LCMT1: variants seen among roughly 807,000 people sequenced by gnomAD.
The protein encoded by LCMT1 is [Phosphatase 2A protein]-leucine-carboxy methyltransferase 1.
A neutral mutation model predicts 47.7 loss-of-function variants in LCMT1; 32 were observed. The ratio of observed to expected loss-of-function variants is 0.67; its 90% CI spans 0.51 to 0.90. The LOEUF (loss-of-function observed/expected upper bound fraction) is 0.90, where lower values mean the gene tolerates loss of function less well. Among genes scored for constraint, LCMT1 ranks in the 40% least tolerant of loss-of-function variants. The pLI is 0.00. For synonymous variants in LCMT1, 152 were observed against 149.7 expected (o/e 1.02, Z -0.11); for missense variants, 375 against 415.2 (o/e 0.90, Z 0.84).
intron 1 of LCMT1, among the ~76,000 whole-genome samples, chr16:25,112,442 A>T (rs1171672381): frequency 6.6e-6 from 1 of 152,194 alleles, no homozygotes; most frequent in African/African-American, 2.4e-5. Context: ...GAAATAACCC[A>T]CCCAGAGCCA....
At chr16:25,161,818 T>TAA (rs35018593) in intron 6 of LCMT1, among the ~76,000 whole-genome samples, 1 of 147,288 alleles carries the variant, frequency 6.8e-6, no homozygotes, top group African/African-American at 2.5e-5. Flanking sequence ...CAGCTACTAT[T>TAA]AAAAAAAAAA....
chr16:25,114,654 C>G (rs1959732031), intron 1 of LCMT1, among the ~76,000 whole-genome samples: 1 of 152,138 alleles, frequency 6.6e-6, no homozygotes, highest in African/African-American at 2.4e-5. Context: ...TAATCAACAT[C>G]AGCTTCTATT....
At chr16:25,156,968 G>C (rs1368778572) in intron 5 of LCMT1, among the ~76,000 whole-genome samples, 1 of 144,756 alleles carries the variant, frequency 6.9e-6, no homozygotes, top group African/African-American at 2.6e-5. Context: ...TTTAATTGAA[G>C]GATCCTAGGA....
chr16:25,127,137 G>A (rs1011054241), intron 1 of LCMT1, among the ~76,000 whole-genome samples: 5 of 152,218 alleles, frequency 3.3e-5, no homozygotes, highest in Admixed American at 6.5e-5. Context: ...GCGGAGGTTG[G>A]AGAATCACTT....
chr16:25,164,711 A>G lies in LCMT1; in HGVS notation c.683A>G (p.Tyr228Cys). The G allele has an allele frequency of 6.2e-7, 1 of 1,614,020 alleles. No individual in the cohort carries two copies. Among genetic ancestry groups the G allele is most frequent in the Non-Finnish European group, 8.5e-7 (1 of 1,179,872 alleles). The change falls in exon 7 of 11, where the codon TAC (tyrosine) becomes TGC (cysteine). Residue 228 changes from tyrosine (Y) to cysteine (C), a missense_variant. Transcript: ENST00000399069. ...TTTGAGAGAGCCATGTTCATAAACT[A>G]CGAACAGGTAAAAGGAAGCACAGGA... ...NSFERAMFIN[Y>C]EQVNMGDRFG...
chr16:25,177,376 G>A (rs1197830803), intron 10 of LCMT1, among the ~76,000 whole-genome samples: 1 of 152,028 alleles, frequency 6.6e-6, no homozygotes, highest in Non-Finnish European at 1.5e-5. Context: ...TGTTTTGTTT[G>A]TTTTTATAAT....
At position 25,128,493 on chromosome 16, in the gene LCMT1, C is replaced by G. The variant is rs1260926659; in HGVS notation, c.132C>G (p.Gly44=). The G allele has an allele frequency of 6.2e-7, 1 of 1,610,128 alleles. No homozygotes were observed. Among genetic ancestry groups the G allele is most frequent in the African/African-American group, 1.3e-5 (1 of 74,982 alleles). The change falls in exon 2 of 11, where the codon GGC becomes GGG. Residue 44 remains glycine (G), a synonymous_variant. Transcript: ENST00000399069. Reference sequence around the variant, plus strand: ...CTTCCAGGTTTGCAGTAAGCATTGGCTACTGGCATGACCCTTACATACAGC... The same window carrying G: ...CTTCCAGGTTTGCAGTAAGCATTGGGTACTGGCATGACCCTTACATACAGC... ...SLCKRFAVSI[G]YWHDPYIQHF...
rs767593310 is a variant in LCMT1 at position 25,169,228 on chromosome 16, A to C, written c.792+15A>C. 33 of 1,538,082 alleles carry C rather than the reference A, an allele frequency of 2.1e-5. No individual in the cohort carries two copies. The highest frequency in any genetic ancestry group is 2.8e-5 in the Non-Finnish European group (31 of 1,111,152). On this transcript the variant is annotated intron_variant, in intron 8 of 10. Transcript: ENST00000399069. Reference sequence around the variant, plus strand: ...TAGAGTCACAGGTCAGAGAGCAGGGACTGGGATATCCATTTGGACCCTTAG... The same window carrying C: ...TAGAGTCACAGGTCAGAGAGCAGGGCCTGGGATATCCATTTGGACCCTTAG...
intron 2 of LCMT1, among the ~76,000 whole-genome samples, chr16:25,130,599 T>C (rs1380593169): frequency 1.3e-5 from 2 of 152,120 alleles, no homozygotes; most frequent in African/African-American, 4.8e-5. Flanking sequence ...TGAGCCAGGA[T>C]TGTACCACTG....
intron 8 of LCMT1, among the ~76,000 whole-genome samples, chr16:25,170,277 A>G (rs1961716815): frequency 6.6e-6 from 1 of 152,142 alleles, no homozygotes; most frequent in African/African-American, 2.4e-5. Context: ...TCACATAACA[A>G]TTAGAGTGCT....
At position 25,164,725 on chromosome 16, in the gene LCMT1, G is replaced by T. The variant is rs912117879; in HGVS notation, c.690+7G>T. Reference sequence around the variant, plus strand: ...GTTCATAAACTACGAACAGGTAAAAGGAAGCACAGGAGAACTGGATTCCAT... The same window carrying T: ...GTTCATAAACTACGAACAGGTAAAATGAAGCACAGGAGAACTGGATTCCAT... On this transcript the variant is annotated splice_region_variant and intron_variant, in intron 7 of 10. Coordinates refer to ENST00000399069, the MANE Select transcript of LCMT1 (RefSeq NM_016309.3). 6.2e-7 allele frequency: 1 copy of T among 1,613,800 alleles called. No individual in the cohort carries two copies. Among genetic ancestry groups the T allele is most frequent in the African/African-American group, 1.3e-5 (1 of 74,916 alleles).
Position 25,170,778 on chromosome 16 carries a change from A to G in LCMT1, c.857A>G (p.Asn286Ser), listed in dbSNP as rs756602358. Reference protein sequence around the residue: ...ASAVDMMELYNRLPRAEVSRI... With the variant: ...ASAVDMMELYSRLPRAEVSRI... ...GCCGTCGACATGATGGAGTTGTACA[A>G]CAGGTTACCTCGAGCTGAAGTGAGC... Residue 286 changes from asparagine to serine, a missense_variant, in exon 9 of 11, where the codon AAC becomes AGC. Coordinates refer to ENST00000399069, the MANE Select transcript of LCMT1 (RefSeq NM_016309.3). The G allele has an allele frequency of 7.4e-6, 12 of 1,613,032 alleles. No homozygotes were observed. Among genetic ancestry groups the G allele is most frequent in the Non-Finnish European group, 9.3e-6 (11 of 1,179,214 alleles).
intron 3 of LCMT1, among the ~76,000 whole-genome samples, chr16:25,139,121 AGGAT>A (rs984924896): frequency 1.3e-5 from 2 of 152,084 alleles, no homozygotes; most frequent in Admixed American, 6.5e-5. Context: ...CATGTTGGCC[AGGAT>A]GGTCTCGGTC....
At chr16:25,150,333 GTTTTTTTTTTTTTTTT>G (rs35240331) in intron 4 of LCMT1, among the ~76,000 whole-genome samples, 4 of 93,526 alleles carry the variant, frequency 4.3e-5, no homozygotes, top group Non-Finnish European at 8.1e-5. Context: ...TAGTTTTCTG[GTTTTTTTTTTTTTTTT>G]TTTTTTTTTT....
rs183323856 is a variant in LCMT1, at chr16:25,131,901, G to A, written c.206-501G>A. On this transcript the variant is annotated intron_variant, in intron 2 of 10. Transcript: ENST00000399069. The stretch of plus-strand genomic sequence containing the variant: ...GCAGCAATTTGCTGGTCTTCTCTGC[G>A]ACCCCCATTTTACATAGAGACTAAC... 3.4e-3 allele frequency among the ~76,000 whole-genome samples: 518 copies of A among 152,210 alleles called. 5 individuals carry two copies. The highest frequency in any genetic ancestry group is 0.012 in the African/African-American group (483 of 41,526).
At chr16:25,115,919 C>T (rs1959770608) in intron 1 of LCMT1, among the ~76,000 whole-genome samples, 1 of 152,186 alleles carries the variant, frequency 6.6e-6, no homozygotes, top group African/African-American at 2.4e-5. Context: ...CTCAGGTGAT[C>T]CACCTGCCTC....
intron 3 of LCMT1, among the ~76,000 whole-genome samples, chr16:25,134,591 T>C (rs1411939577): frequency 6.6e-6 from 1 of 152,188 alleles, no homozygotes; most frequent in Non-Finnish European, 1.5e-5. Flanking sequence ...GTTGTATCTT[T>C]GTTTTTCCGT....
intron 6 of LCMT1, among the ~76,000 whole-genome samples, chr16:25,163,537 T>G (rs1411762690): frequency 6.6e-6 from 1 of 152,130 alleles, no homozygotes; most frequent in Non-Finnish European, 1.5e-5. Context: ...CATTTGTCTA[T>G]TCACTCATTT....
chr16:25,171,761 TCTAAAG>T (rs1049271798), intron 9 of LCMT1, among the ~76,000 whole-genome samples: 40 of 152,342 alleles, frequency 2.6e-4, no homozygotes, highest in African/African-American at 8.4e-4. Flanking sequence ...CCTCAAGCAT[TCTAAAG>T]TGCATGAAGT....
Sources: allele counts gnomAD v4.1 joint callset (sites outside exome capture counted in the v4.1 genomes callset), GRCh38; gene constraint gnomAD v4.1.1; transcripts MANE v1.5; gene names NCBI Gene and HGNC (gene_info 2026-07-23, HGNC 2026-07-21).